The following NUP133 variants were observed in gnomAD, a reference collection of about 807,000 sequenced individuals.
The protein encoded by NUP133 is nuclear pore complex protein Nup133.
A neutral mutation model predicts 146.2 loss-of-function variants in NUP133; 66 were observed. That is an observed-to-expected ratio of 0.45 (90% CI 0.37 to 0.55). The LOEUF is 0.55. NUP133 is among the 20% of genes least tolerant of loss of function. NUP133 has a pLI of 0.00. For missense variants in NUP133, 1,277 were observed against 1,374.8 expected, an observed-to-expected ratio of 0.93 and a Z score of 1.12; for synonymous variants, 521 against 498.8, an observed-to-expected ratio of 1.04 and a Z score of -0.59.
Position 229,484,086 on chromosome 1 carries a change from C to T in NUP133, c.1560G>A (p.Lys520=). The T allele has an allele frequency of 6.2e-7, 1 of 1,613,474 alleles. No homozygotes were observed. The highest frequency in any genetic ancestry group is 8.5e-7 in the Non-Finnish European group (1 of 1,179,630). Residue 520 remains lysine (K), a synonymous_variant, in exon 12 of 26, where the codon AAG becomes AAA. Transcript: ENST00000261396. ...ATTGCAGAAAGGCAGCTTTCAGCAA[C>T]TTGATTTTATCTTCCTGGGCTATAG... ...NETIAQEDKI[K]LLKAAFLQYC... is the part of the protein sequence containing the mutation.
rs761148083 is a variant in NUP133 at position 229,508,126 on chromosome 1, C to T, written c.124G>A (p.Ala42Thr). Reference sequence around the variant, plus strand: ...GAGAAGAGCACTGGGGAGCTGACTGCAGACCCCAGGGGCAGACCCTTCCTG... The same window carrying T: ...GAGAAGAGCACTGGGGAGCTGACTGTAGACCCCAGGGGCAGACCCTTCCTG... Reference protein sequence around the residue: ...ASRKGLPLGSAVSSPVLFSPV... With the variant: ...ASRKGLPLGSTVSSPVLFSPV... The change falls in exon 1 of 26, where the codon GCA becomes ACA. Residue 42 changes from alanine (A) to threonine (T), a missense_variant. Around this residue, in one of 3 missense-constraint regions of NUP133, gnomAD observed 319 missense variants for 306.9 expected, o/e 1.04. Coordinates refer to ENST00000261396, the MANE Select transcript of NUP133 (RefSeq NM_018230.3). The T allele has an allele frequency of 4.4e-6, 7 of 1,584,586 alleles. No homozygotes were observed. The highest frequency in any genetic ancestry group is 3.6e-5 in the Admixed American group (2 of 56,014).
intron 6 of NUP133, among the ~76,000 whole-genome samples, chr1:229,497,566 G>A (rs1661684672): frequency 6.6e-6 from 1 of 152,200 alleles, no homozygotes; most frequent in Admixed American, 6.5e-5. Flanking sequence ...CCACTCAGCA[G>A]TTACACACCT....
At chr1:229,450,214 C>T (rs552026079) in intron 23 of NUP133, among the ~76,000 whole-genome samples, 58 of 151,794 alleles carry the variant, frequency 3.8e-4, no homozygotes, top group African/African-American at 1.3e-3. Context: ...CTGATAAAGT[C>T]GTATATTACC....
intron 24 of NUP133, among the ~76,000 whole-genome samples, chr1:229,448,074 GCAC>G (rs1289331011): frequency 1.3e-5 from 2 of 152,206 alleles, no homozygotes; most frequent in African/African-American, 2.4e-5. Context: ...ACTCCCACCA[GCAC>G]CACAATAGTT....
intron 3 of NUP133, among the ~76,000 whole-genome samples, chr1:229,501,633 T>C (rs75294454): frequency 0.03 from 4,515 of 152,300 alleles, 207 homozygotes; most frequent in African/African-American, 0.1. Context: ...ATTCAGTAGG[T>C]TCAACAAAAC....
intron 25 of NUP133, among the ~76,000 whole-genome samples, chr1:229,443,312 T>C (rs1460307480): frequency 6.6e-6 from 1 of 151,978 alleles, no homozygotes; most frequent in Non-Finnish European, 1.5e-5. Flanking sequence ...AGTGCTGGGA[T>C]TACAGGCGTG....
chr1:229,486,593 AC>A (rs1450872021), intron 10 of NUP133, 65 bp from the exon 11 acceptor site: 2 of 1,461,098 alleles, frequency 1.4e-6, no homozygotes, highest in African/African-American at 1.5e-5. Flanking sequence ...TGTAAAAGCT[AC>A]CACCCTAAGC....
intron 16 of NUP133, 130 bp from the exon 17 acceptor site, chr1:229,465,649 T>C (rs767010071): frequency 1.4e-6 from 1 of 706,004 alleles, no homozygotes; most frequent in South Asian, 1.5e-5. Flanking sequence ...GGCTCACACC[T>C]GTAATCCCAG....
intron 13 of NUP133, 51 bp downstream of exon 13, chr1:229,477,542 TAAAG>T (rs755332347): frequency 2.8e-6 from 4 of 1,420,068 alleles, no homozygotes; most frequent in Non-Finnish European, 3.8e-6. Flanking sequence ...ATGCTTCTAA[TAAAG>T]AAACCAGAAT....
chr1:229,460,847 C>G lies in NUP133; in HGVS notation c.2686-78G>C, dbSNP rs563009439. 1.3e-4 allele frequency: 159 copies of G among 1,236,270 alleles called. 1 individual carries two copies. The African/African-American group carries it at 2.2e-3, about 17-fold the overall frequency. The allele number at this position is 1,236,270 out of a possible 1,614,324, so 76.6% of individuals were successfully genotyped here. ...TCTGATAACAAAACATAACTTTGTT[C>G]TAAAGGCCTCCAAAACAGAAAACCT... On this transcript the variant is annotated intron_variant, in intron 19 of 25. Transcript: ENST00000261396.
chr1:229,463,569 G>C lies in NUP133; in HGVS notation c.2659C>G (p.Arg887Gly), dbSNP rs201140125. The change falls in exon 19 of 26, where the codon CGC becomes GGC. Residue 887 changes from arginine to glycine, a missense_variant. Transcript: ENST00000261396. ...EQTDNQSRLQ[R>G]YMTQFADQNF... ...TGATCAGCAAACTGGGTCATGTAGC[G>C]CTGGAGTCGGCTCTGGTTGTCAGTC... is the stretch of plus-strand genomic sequence containing the variant. The C allele has an allele frequency of 1.2e-6, 2 of 1,613,916 alleles. No individual in the cohort carries two copies. The highest frequency in any genetic ancestry group is 2.7e-5 in the African/African-American group (2 of 74,876).
chr1:229,445,774 G>A (rs1426437299), intron 24 of NUP133, among the ~76,000 whole-genome samples: 1 of 152,180 alleles, frequency 6.6e-6, no homozygotes, highest in Admixed American at 6.5e-5. Flanking sequence ...TTGTATGACT[G>A]GGATGGGACC....
At chr1:229,493,701 G>A (rs914092607) in intron 8 of NUP133, among the ~76,000 whole-genome samples, 1 of 152,224 alleles carries the variant, frequency 6.6e-6, no homozygotes, top group South Asian at 2.1e-4. Context: ...AGGAGGATAA[G>A]GGCTGCACCT....
At chr1:229,465,847 G>A (rs1455031128) in intron 16 of NUP133, among the ~76,000 whole-genome samples, 1 of 139,190 alleles carries the variant, frequency 7.2e-6, no homozygotes, top group Non-Finnish European at 1.5e-5. Context: ...CTATAATCAA[G>A]CCACTATAAA....
At position 229,499,704 on chromosome 1, in the gene NUP133, T is replaced by G. The variant is rs185351603; in HGVS notation, c.628A>C (p.Ser210Arg). Reference protein sequence around the residue: ...FVDSGGDKTYSFLTAVQGGSF... With the variant: ...FVDSGGDKTYRFLTAVQGGSF... ...TATACCTGCACTGCTGTTAGGAAAC[T>G]GTAAGTCTTATCACCTCCCGAATCT... The change falls in exon 5 of 26, where the codon AGT (serine) becomes CGT (arginine). Residue 210 changes from serine (S) to arginine (R), a missense_variant. Ser to Arg is a moderately radical substitution (Grantham distance 110, BLOSUM62 -1). Around this residue, in one of 3 missense-constraint regions of NUP133, gnomAD observed 319 missense variants for 306.9 expected, o/e 1.04. Coordinates refer to ENST00000261396, the MANE Select transcript of NUP133 (RefSeq NM_018230.3). The G allele has an allele frequency of 6.2e-7, 1 of 1,614,016 alleles. No homozygotes were observed. Among genetic ancestry groups the G allele is most frequent in the Non-Finnish European group, 8.5e-7 (1 of 1,179,898 alleles).
At chr1:229,492,681 A>G (rs954563570) in intron 8 of NUP133, among the ~76,000 whole-genome samples, 1 of 151,998 alleles carries the variant, frequency 6.6e-6, no homozygotes. Context: ...ACCAAATATC[A>G]TATGTTCTCA....
chr1:229,459,085 T>C (rs1660635298), intron 20 of NUP133, among the ~76,000 whole-genome samples: 1 of 152,232 alleles, frequency 6.6e-6, no homozygotes, highest in African/African-American at 2.4e-5. Context: ...TGATGTGGAA[T>C]GATTAAATCA....
At chr1:229,466,051 T>C (rs1027336229) in intron 16 of NUP133, among the ~76,000 whole-genome samples, 3 of 152,176 alleles carry the variant, frequency 2.0e-5, no homozygotes, top group Non-Finnish European at 2.9e-5. Context: ...TTTGGCAAAG[T>C]AGGAAAATCA....
At chr1:229,487,819 C>T (rs1460184366) in intron 9 of NUP133, among the ~76,000 whole-genome samples, 2 of 147,570 alleles carry the variant, frequency 1.4e-5, no homozygotes, top group African/African-American at 5.0e-5. Flanking sequence ...TGTTGACTTG[C>T]TTATAATTTG....
Sources: allele counts gnomAD v4.1 joint callset (sites outside exome capture counted in the v4.1 genomes callset), GRCh38; gene constraint gnomAD v4.1.1; regional missense constraint gnomAD v4.1.1; transcripts MANE v1.5; gene names NCBI Gene and HGNC (gene_info 2026-07-23, HGNC 2026-07-21).